MAGT1: variants seen among roughly 807,000 people sequenced by gnomAD.
MAGT1 encodes the protein dolichyl-diphosphooligosaccharide--protein glycosyltransferase subunit MAGT1.
A neutral mutation model predicts 28.4 loss-of-function variants in MAGT1; 4 were observed. The ratio of observed to expected loss-of-function variants is 0.14; its 90% CI spans 0.07 to 0.32. The LOEUF is 0.32. Ranked by LOEUF, MAGT1 falls within the 10% of genes least tolerant of loss-of-function variation. MAGT1 has a pLI of 1.00. For synonymous variants in MAGT1, 89 were observed against 89.7 expected (o/e 0.99, Z 0.04); for missense variants, 193 against 264.5 (o/e 0.73, Z 1.88).
intron 1 of MAGT1, among the ~76,000 whole-genome samples, chrX:77,883,008 A>T (rs2077056919): frequency 9.9e-6 from 1 of 100,909 alleles, no homozygotes; most frequent in African/African-American, 3.6e-5. Flanking sequence ...ATATATATTT[A>T]TATATATAAA....
chrX:77,827,231 T>C lies in MAGT1; in HGVS notation c.*1989A>G, dbSNP rs1463662843. ...TTCACAGAAATTTGGTTAGCACATA[T>C]GGTTATTTCTACTGACAGAAACCAA... On this transcript the variant is annotated 3_prime_UTR_variant, in exon 10 of 10. Transcript: ENST00000618282. 9.9e-5 allele frequency: 11 copies of C among 111,643 alleles called. No homozygotes were observed. The highest frequency in any genetic ancestry group is 1.9e-4 in the Non-Finnish European group (10 of 53,185). 9.2% of individuals were successfully genotyped at this position (111,643 alleles called of 1,213,427 possible). A position where few individuals can be genotyped will look rare whatever the true frequency, so the allele number is the denominator to read the frequency against.
chrX:77,852,153 T>C (rs1432894353), intron 7 of MAGT1, among the ~76,000 whole-genome samples: 1 of 111,811 alleles, frequency 8.9e-6, no homozygotes, highest in South Asian at 3.7e-4. Context: ...TCTACCCGCC[T>C]TGGCCTCCCA....
At chrX:77,864,132 T>C (rs2077002309) in intron 3 of MAGT1, among the ~76,000 whole-genome samples, 2 of 110,560 alleles carry the variant, frequency 1.8e-5, no homozygotes, top group Admixed American at 9.8e-5. Context: ...TTATGTGAAA[T>C]AAGCCAGGCA....
At chrX:77,831,930 C>T (rs1253498259) in intron 8 of MAGT1, among the ~76,000 whole-genome samples, 1 of 111,510 alleles carries the variant, frequency 9.0e-6, no homozygotes, top group Admixed American at 9.6e-5. Flanking sequence ...TAAAAGTGGC[C>T]TTGTAGTATT....
At chrX:77,864,054 A>G (rs1557216674) in intron 3 of MAGT1, among the ~76,000 whole-genome samples, 1 of 111,248 alleles carries the variant, frequency 9.0e-6, no homozygotes, top group African/African-American at 3.3e-5. Flanking sequence ...ACACAATGGA[A>G]TACTACTCCA....
At chrX:77,867,235 G>A (rs1411882893) in intron 3 of MAGT1, among the ~76,000 whole-genome samples, 1 of 66,757 alleles carries the variant, frequency 1.5e-5, no homozygotes, top group African/African-American at 3.5e-5. Context: ...ACAGCAAAGG[G>A]GAGGCACACT....
intron 5 of MAGT1, 80 bp downstream of exon 5, chrX:77,856,653 C>T (rs2076982132): frequency 2.1e-6 from 2 of 930,402 alleles, no homozygotes; most frequent in South Asian, 4.2e-5. Flanking sequence ...TGCTACTTCT[C>T]ACATAAATAA....
Position 77,826,453 on chromosome X carries a change from G to A in MAGT1, c.*2767C>T, listed in dbSNP as rs918510830. On this transcript the variant is annotated 3_prime_UTR_variant, in exon 10 of 10. Transcript: ENST00000618282. ...CCACTACAATGTGTCATTCTGAACT[G>A]TATCTTAAAAATGCATAACAAATGA... The A allele has an allele frequency of 8.0e-5, 9 of 112,168 alleles. No homozygotes were observed. The highest frequency in any genetic ancestry group is 1.5e-4 in the Non-Finnish European group (8 of 53,176). The allele number at this position is 112,168 out of a possible 1,213,427, so 9.2% of individuals were successfully genotyped here.
At position 77,827,642 on chromosome X, in the gene MAGT1, A is replaced by G. The variant is rs1357618605; in HGVS notation, c.*1578T>C. The stretch of plus-strand genomic sequence containing the variant: ...TTTTTAGTAGAGACGGGGTTTCACC[A>G]TGTTGGCCAGGATGGTCTCGAACTC... On this transcript the variant is annotated 3_prime_UTR_variant, in exon 10 of 10. Transcript: ENST00000618282. 9.2e-6 allele frequency: 1 copy of G among 108,931 alleles called. No individual in the cohort carries two copies. Among genetic ancestry groups the G allele is most frequent in the African/African-American group, 3.3e-5 (1 of 29,902 alleles). The allele number at this position is 108,931 out of a possible 1,213,427, so 9.0% of individuals were successfully genotyped here.
In MAGT1 at chrX:77,895,395, G is replaced by C. The variant is rs140854076; in HGVS notation, c.16C>G (p.Arg6Gly). ...ATGGTCACAGAGACACACCAAAACC[G>C]CCAACGCGCTGCCATGTTCGCTCCT... is the stretch of plus-strand genomic sequence containing the variant. Reference protein sequence around the residue: MAARWRFWCVSVTMVV... With the variant: MAARWGFWCVSVTMVV... The change falls in exon 1 of 10, where the codon CGG becomes GGG. Residue 6 changes from arginine to glycine, a missense_variant. Coordinates refer to ENST00000618282, the MANE Select transcript of MAGT1 (RefSeq NM_001367916.1). The C allele has an allele frequency of 2.7e-5, 33 of 1,210,259 alleles. No homozygotes were observed. The highest frequency in any genetic ancestry group is 3.6e-5 in the Non-Finnish European group (32 of 895,187).
chrX:77,865,958 C>A (rs1455974239), intron 3 of MAGT1, among the ~76,000 whole-genome samples: 1 of 66,845 alleles, frequency 1.5e-5, no homozygotes, highest in Non-Finnish European at 4.0e-5. Context: ...GGGTTTGAGA[C>A]CAGCCTGGCC....
At chrX:77,850,008 TTATA>T (rs1471797364) in intron 7 of MAGT1, among the ~76,000 whole-genome samples, 1 of 111,816 alleles carries the variant, frequency 8.9e-6, no homozygotes, top group Non-Finnish European at 1.9e-5. Context: ...AGGCAACTGA[TTATA>T]TAGTCTGCTT....
intron 8 of MAGT1, among the ~76,000 whole-genome samples, chrX:77,836,761 C>T (rs1176718458): frequency 1.1e-4 from 12 of 110,664 alleles, no homozygotes; most frequent in Non-Finnish European, 2.3e-4. Context: ...CCAGGTGTGG[C>T]AGTGCATGCC....
chrX:77,835,241 T>C (rs951107065), intron 8 of MAGT1, among the ~76,000 whole-genome samples: 5 of 110,881 alleles, frequency 4.5e-5, no homozygotes, highest in Non-Finnish European at 7.5e-5. Flanking sequence ...ATTACAGGCG[T>C]GAGCCACCGC....
intron 1 of MAGT1, among the ~76,000 whole-genome samples, chrX:77,877,033 AAAAAG>A (rs2077037262): frequency 9.2e-6 from 1 of 108,745 alleles, no homozygotes; most frequent in Non-Finnish European, 1.9e-5. Flanking sequence ...AAAAAAAAAA[AAAAAG>A]AAACTAATAC....
At chrX:77,894,144 G>C (rs2077092020) in intron 1 of MAGT1, among the ~76,000 whole-genome samples, 1 of 111,690 alleles carries the variant, frequency 9.0e-6, no homozygotes, top group African/African-American at 3.3e-5. Flanking sequence ...GCATTGCTCT[G>C]CATCTTCTTT....
chrX:77,857,589 G>A, intron 3 of MAGT1, 92 bp from the exon 4 acceptor site: 3 of 1,042,265 alleles, frequency 2.9e-6, no homozygotes, highest in South Asian at 1.9e-5. Context: ...TTACAAAGAT[G>A]AGGAGGCCTG....
intron 1 of MAGT1, among the ~76,000 whole-genome samples, chrX:77,876,171 T>TA (rs1569548201): frequency 0.041 from 971 of 23,532 alleles, 24 homozygotes; most frequent in African/African-American, 0.08. Context: ...TATATTTTTT[T>TA]TTTTTTTTTT....
In MAGT1 at chrX:77,829,018, TA is replaced by T. The variant is rs2149007709; in HGVS notation, c.*201del. 7.5e-6 allele frequency: 3 copies of T among 401,361 alleles called. No individual in the cohort carries two copies. The East Asian group carries it at 1.2e-4, about 17-fold the overall frequency. The allele number at this position is 401,361 out of a possible 1,213,427, so 33.1% of individuals were successfully genotyped here. A position where few individuals can be genotyped will look rare whatever the true frequency, so the allele number is the denominator to read the frequency against. On this transcript the variant is annotated 3_prime_UTR_variant, in exon 10 of 10. Transcript: ENST00000618282. The stretch of plus-strand genomic sequence containing the variant: ...GGGAAGAGAAGGTTAAGAGGATAAT[TA>T]TTTTCAAATACCTCAGATTTTGACA...
Sources: gnomAD v4.1 joint callset for allele counts (sites outside exome capture counted in the v4.1 genomes callset) on GRCh38, gnomAD v4.1.1 for gene constraint, MANE v1.5 for transcripts, NCBI Gene and HGNC (gene_info 2026-07-23, HGNC 2026-07-21) for gene names.